HEATR5B: variants seen among roughly 807,000 people sequenced by gnomAD.
HEATR5B encodes HEAT repeat-containing protein 5B.
In HEATR5B, 156 loss-of-function variants were observed where a neutral mutation model predicts 224.1. The observed-to-expected ratio is 0.70, with a 90% CI of 0.61 to 0.80. The LOEUF is 0.80. HEATR5B is among the 30% of genes least tolerant of loss of function. The probability of loss-of-function intolerance (pLI) is 0.00; values close to 1 mark genes in which losing one functional copy is unlikely to be tolerated. For missense variants in HEATR5B, 2,323 were observed against 2,535.5 expected, an observed-to-expected ratio of 0.92 and a Z score of 1.80; for synonymous variants, 1,027 against 893.0, an observed-to-expected ratio of 1.15 and a Z score of -2.68.
intron 3 of HEATR5B, among the ~76,000 whole-genome samples, chr2:37,077,941 C>A (rs1655543700): frequency 6.6e-6 from 1 of 152,214 alleles, no homozygotes; most frequent in African/African-American, 2.4e-5. Context: ...TAGCAACACA[C>A]TTCTTCAGGA....
chr2:36,984,215 A>AAAATATAT, intron 35 of HEATR5B, among the ~76,000 whole-genome samples: 1 of 77,644 alleles, frequency 1.3e-5, no homozygotes, highest in African/African-American at 5.9e-5. Flanking sequence ...AAAAAAAAAA[A>AAAATATAT]ATATATATAT....
intron 24 of HEATR5B, among the ~76,000 whole-genome samples, chr2:37,023,180 C>T (rs1409131317): frequency 6.6e-6 from 1 of 152,064 alleles, no homozygotes; most frequent in Non-Finnish European, 1.5e-5. Flanking sequence ...ATGAAAACTA[C>T]ACTGGATAAA....
intron 26 of HEATR5B, among the ~76,000 whole-genome samples, chr2:37,019,460 CT>C (rs754220468): frequency 3.1e-3 from 449 of 143,266 alleles, no homozygotes; most frequent in South Asian, 4.4e-3. Context: ...TCCTCTCTCT[CT>C]TTTTTTTTTT....
At chr2:37,041,824 G>C (rs1224547496) in intron 18 of HEATR5B, among the ~76,000 whole-genome samples, 2 of 151,204 alleles carry the variant, frequency 1.3e-5, no homozygotes, top group African/African-American at 4.8e-5. Flanking sequence ...TTTAATTTTA[G>C]AGAAAATTTG....
At chr2:37,082,843 T>C (rs1672688963) in intron 2 of HEATR5B, among the ~76,000 whole-genome samples, 1 of 152,088 alleles carries the variant, frequency 6.6e-6, no homozygotes, top group Non-Finnish European at 1.5e-5. Context: ...TGTCTTTAAT[T>C]CCTCTAGCGC....
At chr2:37,033,492 C>T (rs1482922434) in intron 21 of HEATR5B, among the ~76,000 whole-genome samples, 1 of 152,086 alleles carries the variant, frequency 6.6e-6, no homozygotes, top group Admixed American at 6.6e-5. Context: ...GGGCAGAGCA[C>T]ACCATAATAT....
At chr2:36,990,550 A>C in intron 34 of HEATR5B, 98 bp downstream of exon 34, 1 of 1,136,844 alleles carries the variant, frequency 8.8e-7, no homozygotes. Context: ...GCAAATACTT[A>C]GCTTTTCATT....
chr2:37,083,968 G>A (rs539174550), intron 1 of HEATR5B, among the ~76,000 whole-genome samples: 45 of 152,192 alleles, frequency 3.0e-4, no homozygotes, highest in Non-Finnish European at 5.1e-4. Flanking sequence ...CGGCCGAAGC[G>A]TCAGTGACAA....
intron 33 of HEATR5B, among the ~76,000 whole-genome samples, chr2:36,991,302 G>A (rs992006675): frequency 3.3e-5 from 5 of 151,632 alleles, no homozygotes; most frequent in Non-Finnish European, 7.4e-5. Context: ...CGAGGCAGGC[G>A]GACCACCTGA....
chr2:37,051,400 C>T (rs1185265606), intron 17 of HEATR5B, among the ~76,000 whole-genome samples: 1 of 143,226 alleles, frequency 7.0e-6, no homozygotes, highest in Non-Finnish European at 1.5e-5. Context: ...TAATTAGTAA[C>T]TGAATGTTGA....
intron 35 of HEATR5B, 24 bp from the exon 36 acceptor site, chr2:36,981,818 A>G: frequency 2.6e-6 from 4 of 1,525,240 alleles, no homozygotes; most frequent in Non-Finnish European, 3.6e-6. Context: ...AGTATGAAAA[A>G]AGATCACAAA....
At chr2:37,082,889 G>C (rs903568095) in intron 2 of HEATR5B, among the ~76,000 whole-genome samples, 2 of 151,398 alleles carry the variant, frequency 1.3e-5, no homozygotes, top group Non-Finnish European at 2.9e-5. Flanking sequence ...AGCTGGTCTC[G>C]GCAAATCAAG....
chr2:37,064,703 C>G (rs569122025), intron 10 of HEATR5B, 37 bp downstream of exon 10: 2 of 1,607,004 alleles, frequency 1.2e-6, no homozygotes, highest in South Asian at 2.2e-5. Flanking sequence ...CCAAAGCCCA[C>G]GTGACAGCAT....
rs185907408 is a variant in HEATR5B, at chr2:37,062,409, G to A, written c.1585-359C>T. On this transcript the variant is annotated intron_variant, in intron 10 of 35. Transcript: ENST00000233099. ...TGCACTACTGCACTCCAGCCTGGGT[G>A]ACAGAGCGAGACTCCGTCTCCAAAA... Among the ~76,000 whole-genome samples, 283 of 152,280 alleles carry A rather than the reference G, an allele frequency of 1.9e-3. 1 individual carries two copies. The highest frequency in any genetic ancestry group is 2.3e-3 in the South Asian group (11 of 4,830).
At chr2:37,054,335 C>T (rs1670757132) in intron 16 of HEATR5B, among the ~76,000 whole-genome samples, 1 of 151,524 alleles carries the variant, frequency 6.6e-6, no homozygotes, top group Admixed American at 6.6e-5. Flanking sequence ...GCATGCGCCA[C>T]CACGCCTGGC....
Position 37,014,026 on chromosome 2 carries a change from CAA to C in HEATR5B, c.4105-8_4105-7del. ...CCTATCCATGTACTACATACCTAGA[CAA>C]AGAGAATTCAAAAACTTTTGTGTAA... On this transcript the variant is annotated splice_region_variant and splice_polypyrimidine_tract_variant and intron_variant, in intron 26 of 35. Transcript: ENST00000233099. 1.3e-6 allele frequency: 2 copies of C among 1,497,988 alleles called. No individual in the cohort carries two copies. The highest frequency in any genetic ancestry group is 2.7e-5 in the South Asian group (2 of 75,122). 92.8% of individuals were successfully genotyped at this position (1,497,988 alleles called of 1,614,324 possible).
chr2:37,059,442 GTGTGTATATATA>G (rs1271326408), intron 12 of HEATR5B, among the ~76,000 whole-genome samples: 1 of 59,692 alleles, frequency 1.7e-5, no homozygotes, highest in Non-Finnish European at 3.4e-5. Flanking sequence ...GTGTGTGTGT[GTGTGTATATATA>G]TATATATATA....
rs187342782 is a variant in HEATR5B, at chr2:37,048,960, T to G, written c.2696+693A>C. Among the ~76,000 whole-genome samples, 379 of 152,348 alleles carry G rather than the reference T, an allele frequency of 2.5e-3. 4 individuals are homozygous for G. Among genetic ancestry groups the G allele is most frequent in the Admixed American group, 0.019 (283 of 15,290 alleles). On this transcript the variant is annotated intron_variant, in intron 18 of 35. Transcript: ENST00000233099. ...TGACATAGTTTGCTATATTTAATACTCTATATATATGATAGCTAAGAATGA... is the reference window on the plus strand; with the variant it reads ...TGACATAGTTTGCTATATTTAATACGCTATATATATGATAGCTAAGAATGA...
Position 37,072,301 on chromosome 2 carries a change from A to G in HEATR5B, c.598-20T>C, listed in dbSNP as rs746599860. 2.6e-6 allele frequency: 4 copies of G among 1,550,462 alleles called. No homozygotes were observed. The Admixed American group carries it at 6.8e-5, about 27-fold the overall frequency. On this transcript the variant is annotated intron_variant, in intron 5 of 35. Coordinates refer to ENST00000233099, the MANE Select transcript of HEATR5B (RefSeq NM_019024.3). ...TAGACACTGGAATTAAAAACAAAAA[A>G]GTAAATAACATCCTATAACATCTGC... is the stretch of plus-strand genomic sequence containing the variant.
Sources: allele counts gnomAD v4.1 joint callset (sites outside exome capture counted in the v4.1 genomes callset), GRCh38; gene constraint gnomAD v4.1.1; transcripts MANE v1.5; gene names NCBI Gene and HGNC (gene_info 2026-07-23, HGNC 2026-07-21).